The following GNAL variants were observed in gnomAD, a reference collection of about 807,000 sequenced individuals.
GNAL encodes the protein guanine nucleotide-binding protein G(olf) subunit alpha.
GNAL carries 18 observed loss-of-function variants against 55.1 expected under a neutral mutation model. The observed-to-expected ratio is 0.33, with a 90% CI of 0.23 to 0.48. The LOEUF is 0.48. Ranked by LOEUF, GNAL falls within the 20% of genes least tolerant of loss-of-function variation. GNAL has a pLI of 0.99. For missense variants in GNAL, 412 were observed against 614.1 expected (o/e 0.67, Z 3.48); for synonymous variants, 253 against 237.0 (o/e 1.07, Z -0.62).
intron 1 of GNAL, among the ~76,000 whole-genome samples, chr18:11,712,832 GC>G (rs1366131232): frequency 6.6e-6 from 1 of 152,130 alleles, no homozygotes; most frequent in Non-Finnish European, 1.5e-5. Context: ...CGTAGTAGCT[GC>G]CTTTCACAGA....
At chr18:11,860,598 C>T (rs1053646400) in intron 5 of GNAL, among the ~76,000 whole-genome samples, 1 of 152,110 alleles carries the variant, frequency 6.6e-6, no homozygotes, top group Non-Finnish European at 1.5e-5. Context: ...CCCAAAGAAG[C>T]TGTTAGGACC....
chr18:11,814,557 AAAAC>A, intron 4 of GNAL, among the ~76,000 whole-genome samples: 1 of 152,124 alleles, frequency 6.6e-6, no homozygotes, highest in South Asian at 2.1e-4. Context: ...AAAAAAATGA[AAAAC>A]AAAACACCAT....
chr18:11,794,835 T>C (rs1051161031), intron 4 of GNAL, among the ~76,000 whole-genome samples: 15 of 151,628 alleles, frequency 9.9e-5, no homozygotes, highest in Admixed American at 6.6e-4. Flanking sequence ...CTTTGTTTTT[T>C]GTTTGTTTGT....
At position 11,730,548 on chromosome 18, in the gene GNAL, G is replaced by A. The variant is rs573356432; in HGVS notation, c.377-22305G>A. On this transcript the variant is annotated intron_variant, in intron 1 of 11. Coordinates refer to ENST00000334049, the MANE Select transcript of GNAL (RefSeq NM_182978.4). ...GGAGGCCAACGCAGGTGGATCACCT[G>A]AGGTCAGGAGTTCGAGACCAGCCTG... 1.5e-4 allele frequency among the ~76,000 whole-genome samples: 23 copies of A among 151,964 alleles called. No individual in the cohort carries two copies. The East Asian group carries it at 3.8e-3, about 25-fold the overall frequency.
At position 11,873,853 on chromosome 18, in the gene GNAL, G is replaced by A. The variant is rs558392953; in HGVS notation, c.1162+1455G>A. 1.0e-3 allele frequency among the ~76,000 whole-genome samples: 157 copies of A among 152,120 alleles called. 2 individuals carry two copies. The South Asian group carries it at 0.031, about 30-fold the overall frequency. On this transcript the variant is annotated intron_variant, in intron 10 of 11. Coordinates refer to ENST00000334049, the MANE Select transcript of GNAL (RefSeq NM_182978.4). Reference sequence around the variant, plus strand: ...CTCAGGCAGTGGCTCGGCGGCCGGGGGGTCCTTCCAACAGGGTCTGCCTCC... The same window carrying A: ...CTCAGGCAGTGGCTCGGCGGCCGGGAGGTCCTTCCAACAGGGTCTGCCTCC...
chr18:11,801,313 G>A (rs551579635), intron 4 of GNAL, among the ~76,000 whole-genome samples: 8 of 152,264 alleles, frequency 5.3e-5, no homozygotes, highest in Non-Finnish European at 8.8e-5. Flanking sequence ...CACTTTGGGA[G>A]GCCAAGGCAG....
At chr18:11,832,585 C>T (rs939326593) in intron 5 of GNAL, among the ~76,000 whole-genome samples, 8 of 152,148 alleles carry the variant, frequency 5.3e-5, no homozygotes, top group African/African-American at 9.7e-5. Context: ...TGACCTGGCG[C>T]GGTGGCTCAC....
chr18:11,884,558 T>C lies in GNAL; in HGVS notation c.*3423T>C. 3 of 1,614,038 alleles carry C rather than the reference T, an allele frequency of 1.9e-6. No homozygotes were observed. Among genetic ancestry groups the C allele is most frequent in the Non-Finnish European group, 2.5e-6 (3 of 1,180,030 alleles). The stretch of plus-strand genomic sequence containing the variant: ...AGGAAGCCCACCACTCCACAGTAGA[T>C]GATCAAAACCACATCCTCACGTGGG... On this transcript the variant is annotated 3_prime_UTR_variant, in exon 12 of 12. Transcript: ENST00000334049.
rs140759958 is a variant in GNAL at position 11,758,407 on chromosome 18, C to T, written c.624+4462C>T. On this transcript the variant is annotated intron_variant, in intron 4 of 11. Transcript: ENST00000334049. ...ATGGATGATAAAATTCTTGTGACCT[C>T]GAGCTCACGTGATACAGTTATTCCC... 1.1e-3 allele frequency among the ~76,000 whole-genome samples: 173 copies of T among 152,216 alleles called. 1 individual carries two copies. The highest frequency in any genetic ancestry group is 3.9e-3 in the African/African-American group (161 of 41,526).
chr18:11,706,397 G>A (rs1276155065), intron 1 of GNAL, among the ~76,000 whole-genome samples: 1 of 152,132 alleles, frequency 6.6e-6, no homozygotes, highest in African/African-American at 2.4e-5. Context: ...CAGTGAGTCC[G>A]GATCTCTTTG....
rs755035013 is a variant in GNAL at position 11,852,261 on chromosome 18, A to AT, written c.723-10132dup. The AT allele has an allele frequency of 3.4e-4, 312 of 909,074 alleles. 2 individuals are homozygous for AT. The highest frequency in any genetic ancestry group is 1.2e-3 in the Admixed American group (39 of 32,296). The allele number at this position is 909,074 out of a possible 1,614,324, so 56.3% of individuals were successfully genotyped here. A position where few individuals can be genotyped will look rare whatever the true frequency, so the allele number is the denominator to read the frequency against. ...TGGGTTTACAGCCCCCTCCACATAA[A>AT]TTAAGAAATTCAGTATTTCTGCACT... is the stretch of plus-strand genomic sequence containing the variant. On this transcript the variant is annotated intron_variant, in intron 5 of 11. Transcript: ENST00000334049.
At chr18:11,801,388 A>G (rs1410818218) in intron 4 of GNAL, among the ~76,000 whole-genome samples, 3 of 152,184 alleles carry the variant, frequency 2.0e-5, no homozygotes, top group Non-Finnish European at 4.4e-5. Context: ...CCATGTTTCT[A>G]CTAAAAATAT....
At chr18:11,703,795 GCACACACACACACACACACACA>G (rs35455680) in intron 1 of GNAL, among the ~76,000 whole-genome samples, 1 of 141,410 alleles carries the variant, frequency 7.1e-6, no homozygotes, top group Non-Finnish European at 1.5e-5. Flanking sequence ...GTGTTGATGG[GCACACACACACACACACACACA>G]CACACACACA....
rs915859970 is a variant in GNAL, at chr18:11,805,296, A to G, written c.625-19622A>G. ...TGTGTAGTGGTGAAGTACAGGTGCA[A>G]TTTGAATGGAACATGGAGATACTGT... On this transcript the variant is annotated intron_variant, in intron 4 of 11. Coordinates refer to ENST00000334049, the MANE Select transcript of GNAL (RefSeq NM_182978.4). Among the ~76,000 whole-genome samples the G allele has an allele frequency of 4.7e-5, 7 of 148,664 alleles. No homozygotes were observed. In the South Asian group the frequency reaches 8.7e-4, roughly 19 times the overall value.
chr18:11,857,513 A>G, intron 5 of GNAL: 1 of 985,568 alleles, frequency 1.0e-6, no homozygotes, highest in Non-Finnish European at 1.2e-6. Context: ...ACTTTACCCC[A>G]TGGGAAGGAG....
chr18:11,873,605 G>A (rs1294962833), intron 10 of GNAL, among the ~76,000 whole-genome samples: 3 of 152,214 alleles, frequency 2.0e-5, no homozygotes, highest in African/African-American at 7.2e-5. Context: ...GGCTCTTCCT[G>A]AGACCAAATC....
chr18:11,880,835 T>C (rs1050225359), intron 11 of GNAL, among the ~76,000 whole-genome samples, 154 bp from the exon 12 acceptor site: 4 of 152,154 alleles, frequency 2.6e-5, no homozygotes, highest in African/African-American at 7.2e-5. Context: ...CGGCCGATGC[T>C]TGCATTGAGA....
At chr18:11,814,034 A>C (rs1327304208) in intron 4 of GNAL, among the ~76,000 whole-genome samples, 1 of 152,230 alleles carries the variant, frequency 6.6e-6, no homozygotes, top group African/African-American at 2.4e-5. Context: ...CACCATACCC[A>C]AAAACTAATT....
chr18:11,764,435 ACT>A (rs2033342559), intron 4 of GNAL, among the ~76,000 whole-genome samples: 1 of 152,158 alleles, frequency 6.6e-6, no homozygotes, highest in Non-Finnish European at 1.5e-5. Context: ...CAAAACTCAC[ACT>A]CTAGTTTTCA....
Sources: gnomAD v4.1 joint callset for allele counts (sites outside exome capture counted in the v4.1 genomes callset) on GRCh38, gnomAD v4.1.1 for gene constraint, MANE v1.5 for transcripts, NCBI Gene and HGNC (gene_info 2026-07-23, HGNC 2026-07-21) for gene names.